Variants in SNX6 observed in about 807,000 individuals in gnomAD.
SNX6 encodes sorting nexin-6.
SNX6 carries 34 observed loss-of-function variants against 63.0 expected under a neutral mutation model. The observed-to-expected ratio is 0.54, with a 90% CI of 0.41 to 0.72. SNX6 has a LOEUF of 0.72. SNX6 is among the 30% of genes least tolerant of loss of function. SNX6 has a pLI of 0.00. For missense variants in SNX6, 398 were observed against 471.4 expected (o/e 0.84, Z 1.44); for synonymous variants, 170 against 164.2 (o/e 1.04, Z -0.27).
chr14:34,623,056 C>T (rs1264691117), intron 2 of SNX6, among the ~76,000 whole-genome samples: 1 of 152,182 alleles, frequency 6.6e-6, no homozygotes, highest in Non-Finnish European at 1.5e-5. Context: ...GATTATAACT[C>T]TATCTCCTTC....
intron 9 of SNX6, among the ~76,000 whole-genome samples, chr14:34,581,827 T>C (rs867995198): frequency 3.3e-5 from 5 of 151,700 alleles, no homozygotes; most frequent in Non-Finnish European, 5.9e-5. Flanking sequence ...ATCTGTTCAT[T>C]TGATTTTTGT....
chr14:34,582,197 C>A lies in SNX6; in HGVS notation c.795-597G>T, dbSNP rs987700597. ...CACAGGCCAGAGTGCAGCGGTGCAA[C>A]CTCAGCTCACTGCAACCTCTGCCTC... is the stretch of plus-strand genomic sequence containing the variant. On this transcript the variant is annotated intron_variant, in intron 9 of 13. Coordinates refer to ENST00000362031, the MANE Select transcript of SNX6 (RefSeq NM_152233.4). Among the ~76,000 whole-genome samples the A allele has an allele frequency of 2.1e-5, 3 of 145,538 alleles. No individual in the cohort carries two copies. The Admixed American group carries it at 2.1e-4, about 10-fold the overall frequency.
intron 2 of SNX6, among the ~76,000 whole-genome samples, chr14:34,612,497 C>T (rs955646216): frequency 6.6e-6 from 1 of 151,880 alleles, no homozygotes; most frequent in South Asian, 2.1e-4. Flanking sequence ...GCAGTGGCCC[C>T]ATCTTGGCTC....
chr14:34,601,230 T>TC lies in SNX6; in HGVS notation c.516+2117_516+2118insG, dbSNP rs1882801463. On this transcript the variant is annotated intron_variant, in intron 6 of 13. Transcript: ENST00000362031. ...TGATAACCCTATTTCTTTTTTTTTT[T>TC]TTTTTTTTTTTTTGAGACGGAGTCT... Among the ~76,000 whole-genome samples the TC allele has an allele frequency of 8.0e-4, 4 of 5,010 alleles. No homozygotes were observed. The South Asian group carries it at 0.028, about 35-fold the overall frequency. 3.3% of individuals were successfully genotyped at this position (5,010 alleles called of 152,430 possible). A position where few individuals can be genotyped will look rare whatever the true frequency, so the allele number is the denominator to read the frequency against.
At chr14:34,602,588 C>T (rs1242990803) in intron 6 of SNX6, among the ~76,000 whole-genome samples, 1 of 39,938 alleles carries the variant, frequency 2.5e-5, no homozygotes, top group African/African-American at 1.1e-4. Context: ...AAGACTCTGT[C>T]TCAAAAAAAA....
chr14:34,619,885 A>AT (rs1883561386), intron 2 of SNX6, among the ~76,000 whole-genome samples: 3 of 151,630 alleles, frequency 2.0e-5, no homozygotes, highest in East Asian at 1.9e-4. Flanking sequence ...TTATTTATTT[A>AT]TTTTTTTATA....
chr14:34,588,670 A>C (rs1882271408), intron 8 of SNX6, among the ~76,000 whole-genome samples: 1 of 152,198 alleles, frequency 6.6e-6, no homozygotes, highest in African/African-American at 2.4e-5. Flanking sequence ...AAATTAACGA[A>C]GACCTGAGTC....
intron 9 of SNX6, among the ~76,000 whole-genome samples, chr14:34,584,010 G>A (rs1882051590): frequency 6.6e-6 from 1 of 151,798 alleles, no homozygotes; most frequent in Non-Finnish European, 1.5e-5. Flanking sequence ...ACCACGCCAG[G>A]CTAATTTTGT....
At position 34,567,929 on chromosome 14, in the gene SNX6, C is replaced by A. The variant is rs1305199094; in HGVS notation, c.1006G>T (p.Asp336Tyr). 6.2e-7 allele frequency: 1 copy of A among 1,613,350 alleles called. No individual in the cohort carries two copies. The highest frequency in any genetic ancestry group is 1.3e-5 in the African/African-American group (1 of 74,872). The change falls in exon 12 of 14, where the codon GAT becomes TAT. Residue 336 changes from aspartate (D) to tyrosine (Y), a missense_variant. Transcript: ENST00000362031. Reference protein sequence around the residue: ...ALDKARAKNKDVLQAETSQQL... With the variant: ...ALDKARAKNKYVLQAETSQQL... ...TGGGAAGTTTCGGCCTGTAGAACAT[C>A]TTTATTTTTTGCTCTTGCTTTATCC...
At chr14:34,575,170 G>A (rs941245973) in intron 11 of SNX6, among the ~76,000 whole-genome samples, 2 of 146,622 alleles carry the variant, frequency 1.4e-5, no homozygotes, top group African/African-American at 5.0e-5. Context: ...ATTAATTAGA[G>A]GCATGAGCCA....
chr14:34,573,533 C>A (rs1254371132), intron 11 of SNX6, among the ~76,000 whole-genome samples: 1 of 151,908 alleles, frequency 6.6e-6, no homozygotes, highest in Non-Finnish European at 1.5e-5. Flanking sequence ...CAAGATCATG[C>A]CACTGCACTC....
At position 34,629,730 on chromosome 14, in the gene SNX6, G is replaced by GC. The variant is rs951865729; in HGVS notation, c.54+176dup. The stretch of plus-strand genomic sequence containing the variant: ...GGTCCCCGGGAATCGGAGCCGAGCG[G>GC]CCCCTAGGGAGGAAGGGCTGCGGGA... On this transcript the variant is annotated intron_variant, in intron 2 of 13. Coordinates refer to ENST00000362031, the MANE Select transcript of SNX6 (RefSeq NM_152233.4). The GC allele has an allele frequency of 9.5e-6, 10 of 1,050,100 alleles. No homozygotes were observed. In the African/African-American group the frequency reaches 1.4e-4, roughly 15 times the overall value. The allele number at this position is 1,050,100 out of a possible 1,614,324, so 65.0% of individuals were successfully genotyped here.
chr14:34,629,666 A>C lies in SNX6; in HGVS notation c.54+241T>G, dbSNP rs552646784. 110 of 707,186 alleles carry C rather than the reference A, an allele frequency of 1.6e-4. No individual in the cohort carries two copies. The African/African-American group carries it at 1.6e-3, about 10-fold the overall frequency. 43.8% of individuals were successfully genotyped at this position (707,186 alleles called of 1,614,324 possible). ...CCGCGTGGGAGTGGAGGTCCACCAGAAGGCCCGAACAGCGGCGGGGGACAA... is the reference window on the plus strand; with the variant it reads ...CCGCGTGGGAGTGGAGGTCCACCAGCAGGCCCGAACAGCGGCGGGGGACAA... On this transcript the variant is annotated intron_variant, in intron 2 of 13. Coordinates refer to ENST00000362031, the MANE Select transcript of SNX6 (RefSeq NM_152233.4).
intron 11 of SNX6, among the ~76,000 whole-genome samples, chr14:34,573,564 G>A (rs140666871): frequency 6.6e-6 from 1 of 151,302 alleles, no homozygotes; most frequent in African/African-American, 2.4e-5. Context: ...AACAGGGCGA[G>A]ACTCTGCCTT....
intron 6 of SNX6, among the ~76,000 whole-genome samples, chr14:34,600,966 C>A (rs1192879223): frequency 6.6e-6 from 1 of 150,738 alleles, no homozygotes; most frequent in South Asian, 2.1e-4. Flanking sequence ...TGTACTGAGT[C>A]GATACAGTGC....
rs369422111 is a variant in SNX6 at position 34,602,868 on chromosome 14, C to T, written c.516+480G>A. ...GCGGGCGCCTGTAGTCCCAGCTACT[C>T]GGGAGGCTGAGGCAGGAGAATGGCA... On this transcript the variant is annotated intron_variant, in intron 6 of 13. Transcript: ENST00000362031. Among the ~76,000 whole-genome samples, 32 of 139,168 alleles carry T rather than the reference C, an allele frequency of 2.3e-4. No individual in the cohort carries two copies. In the East Asian group the frequency reaches 2.7e-3, roughly 12 times the overall value. The allele number at this position is 139,168 out of a possible 152,430, so 91.3% of individuals were successfully genotyped here.
chr14:34,627,476 T>G (rs1229828831), intron 2 of SNX6, among the ~76,000 whole-genome samples: 2 of 149,172 alleles, frequency 1.3e-5, no homozygotes, highest in East Asian at 3.9e-4. Context: ...AATTGTTTTT[T>G]CTTTTTTTTC....
chr14:34,611,840 A>G (rs1883242824), intron 2 of SNX6, among the ~76,000 whole-genome samples: 1 of 149,748 alleles, frequency 6.7e-6, no homozygotes, highest in Non-Finnish European at 1.5e-5. Flanking sequence ...GTGCAGTGGC[A>G]CAATCTCGGC....
chr14:34,591,312 C>T (rs1037241837), intron 8 of SNX6, among the ~76,000 whole-genome samples: 11 of 151,930 alleles, frequency 7.2e-5, no homozygotes, highest in African/African-American at 2.7e-4. Context: ...TGCACTTGGC[C>T]GTTTAGAAAA....
Sources: allele counts gnomAD v4.1 joint callset (sites outside exome capture counted in the v4.1 genomes callset), GRCh38; gene constraint gnomAD v4.1.1; transcripts MANE v1.5; gene names NCBI Gene and HGNC (gene_info 2026-07-23, HGNC 2026-07-21).